MTMR12: variants seen among roughly 807,000 people sequenced by gnomAD.
MTMR12 encodes myotubularin-related protein 12.
MTMR12 carries 33 observed loss-of-function variants against 96.7 expected under a neutral mutation model. That is an observed-to-expected ratio of 0.34 (90% CI 0.26 to 0.46). The LOEUF is 0.46. Among genes scored for constraint, MTMR12 ranks in the 20% least tolerant of loss-of-function variants. The pLI, the probability that MTMR12 is intolerant of heterozygous loss-of-function variation, is 1.00. For missense variants in MTMR12, 721 were observed against 896.1 expected, an observed-to-expected ratio of 0.80 and a Z score of 2.49; for synonymous variants, 298 against 327.2, an observed-to-expected ratio of 0.91 and a Z score of 0.96.
At chr5:32,256,753 G>A (rs1749153899) in intron 7 of MTMR12, among the ~76,000 whole-genome samples, 1 of 152,222 alleles carries the variant, frequency 6.6e-6, no homozygotes, top group Non-Finnish European at 1.5e-5. Flanking sequence ...CATGCTGCAT[G>A]TGTGATGTAG....
intron 1 of MTMR12, among the ~76,000 whole-genome samples, chr5:32,305,957 C>G (rs1450647329): frequency 2.0e-5 from 3 of 151,368 alleles, no homozygotes; most frequent in Non-Finnish European, 2.9e-5. Flanking sequence ...ATGTGCTGAA[C>G]TAATTAATTC....
chr5:32,265,073 C>T (rs1490033264), intron 6 of MTMR12, among the ~76,000 whole-genome samples: 2 of 152,192 alleles, frequency 1.3e-5, no homozygotes, highest in Non-Finnish European at 2.9e-5. Flanking sequence ...CCCTAAAATG[C>T]CATGTCATAA....
intron 8 of MTMR12, 119 bp downstream of exon 8, chr5:32,255,574 G>T: frequency 1.1e-6 from 1 of 914,360 alleles, no homozygotes; most frequent in Non-Finnish European, 1.6e-6. Context: ...GATATTTCTG[G>T]ATTGTTCTTG....
intron 1 of MTMR12, among the ~76,000 whole-genome samples, chr5:32,280,462 C>T (rs1366292663): frequency 6.6e-6 from 1 of 152,144 alleles, no homozygotes; most frequent in African/African-American, 2.4e-5. Flanking sequence ...CTAGAATGAA[C>T]ACTTAATACT....
At position 32,278,392 on chromosome 5, in the gene MTMR12, T is replaced by C. The variant is rs79974323; in HGVS notation, c.82-1650A>G. ...ACAAATAAAATCAGATTTTTTTTTT[T>C]CTTTGGTAGAAGGCCCTGGGTGGGA... On this transcript the variant is annotated intron_variant, in intron 1 of 15. Transcript: ENST00000382142. Among the ~76,000 whole-genome samples, 1,513 of 152,274 alleles carry C rather than the reference T, an allele frequency of 9.9e-3. 23 individuals carry two copies. Among genetic ancestry groups the C allele is most frequent in the African/African-American group, 0.034 (1,429 of 41,512 alleles).
chr5:32,299,343 C>G (rs1751044995), intron 1 of MTMR12, among the ~76,000 whole-genome samples: 1 of 152,176 alleles, frequency 6.6e-6, no homozygotes, highest in Non-Finnish European at 1.5e-5. Flanking sequence ...GACACCAAAG[C>G]CATGCTCTTA....
intron 10 of MTMR12, among the ~76,000 whole-genome samples, chr5:32,247,157 C>T (rs749808495): frequency 5.3e-5 from 8 of 152,100 alleles, no homozygotes; most frequent in Non-Finnish European, 8.8e-5. Flanking sequence ...CAAGATCAGT[C>T]TGGGCAACAT....
At chr5:32,269,033 CT>C (rs749738249) in intron 5 of MTMR12, among the ~76,000 whole-genome samples, 6,532 of 147,066 alleles carry the variant, frequency 0.044, 276 homozygotes, top group African/African-American at 0.11. Flanking sequence ...TTATTTTTAA[CT>C]TTTTTTTTTT....
rs1261289471 is a variant in MTMR12, at chr5:32,227,295, TCTCA to T, written c.*2479_*2482del. Reference sequence around the variant, plus strand: ...ACAAAGTAAATGGTCTCATTTCAGCTCTCACTGTTAAGCATAATCCACATCCCAA... The same window carrying T: ...ACAAAGTAAATGGTCTCATTTCAGCTCTGTTAAGCATAATCCACATCCCAA... On this transcript the variant is annotated 3_prime_UTR_variant, in exon 16 of 16. Coordinates refer to ENST00000382142, the MANE Select transcript of MTMR12 (RefSeq NM_001040446.3). 5.2e-5 allele frequency: 8 copies of T among 152,612 alleles called. No individual in the cohort carries two copies. Among genetic ancestry groups the T allele is most frequent in the Admixed American group, 1.3e-4 (2 of 15,278 alleles). The allele number at this position is 152,612 out of a possible 1,614,324, so 9.5% of individuals were successfully genotyped here. A position where few individuals can be genotyped will look rare whatever the true frequency, so the allele number is the denominator to read the frequency against.
rs200640140 is a variant in MTMR12 at position 32,290,384 on chromosome 5, G to GGA, written c.82-13644_82-13643dup. 1.9e-3 allele frequency among the ~76,000 whole-genome samples: 295 copies of GGA among 152,188 alleles called. 5 individuals are homozygous for GGA. The East Asian group carries it at 0.024, about 12-fold the overall frequency. ...TGAGACATTTTCATGTCAGAGGATG[G>GGA]GAACTAAATCCAACTAAAATTTAGG... On this transcript the variant is annotated intron_variant, in intron 1 of 15. Coordinates refer to ENST00000382142, the MANE Select transcript of MTMR12 (RefSeq NM_001040446.3).
chr5:32,290,230 A>G (rs1750690491), intron 1 of MTMR12, among the ~76,000 whole-genome samples: 1 of 151,896 alleles, frequency 6.6e-6, no homozygotes, highest in Admixed American at 6.6e-5. Flanking sequence ...GGACATATCA[A>G]CTCTCTGGCT....
intron 1 of MTMR12, among the ~76,000 whole-genome samples, chr5:32,294,547 C>G (rs1448038892): frequency 6.6e-6 from 1 of 152,042 alleles, no homozygotes; most frequent in African/African-American, 2.4e-5. Flanking sequence ...GTAATCTGCC[C>G]ACCTTGGCCT....
intron 1 of MTMR12, among the ~76,000 whole-genome samples, chr5:32,296,094 G>A (rs150055714): frequency 0.015 from 2,334 of 152,240 alleles, 30 homozygotes; most frequent in Non-Finnish European, 0.024. Flanking sequence ...AGGAGGTGGA[G>A]ATTGCAGTTA....
chr5:32,305,770 G>A (rs1751332564), intron 1 of MTMR12, among the ~76,000 whole-genome samples: 1 of 152,122 alleles, frequency 6.6e-6, no homozygotes, highest in Admixed American at 6.5e-5. Context: ...GAGTGTAGTG[G>A]TGCATGCCTC....
At chr5:32,268,381 A>G (rs150931537) in intron 6 of MTMR12, among the ~76,000 whole-genome samples, 2,345 of 152,004 alleles carry the variant, frequency 0.015, 32 homozygotes, top group Non-Finnish European at 0.024. Flanking sequence ...GGTGGTGGGC[A>G]CCTGTAATCC....
chr5:32,291,088 TG>T (rs1308953654), intron 1 of MTMR12, among the ~76,000 whole-genome samples: 1 of 152,176 alleles, frequency 6.6e-6, no homozygotes, highest in Non-Finnish European at 1.5e-5. Flanking sequence ...CAAATGCCCA[TG>T]GTCTCCACAC....
chr5:32,227,656 A>T lies in MTMR12; in HGVS notation c.*2122T>A, dbSNP rs531457578. On this transcript the variant is annotated 3_prime_UTR_variant, in exon 16 of 16. Coordinates refer to ENST00000382142, the MANE Select transcript of MTMR12 (RefSeq NM_001040446.3). ...ATAACGTGGTAACAAAAATAGCTCCATAGCATATTTGGGAGGCAATGGGGC... is the reference window on the plus strand; with the variant it reads ...ATAACGTGGTAACAAAAATAGCTCCTTAGCATATTTGGGAGGCAATGGGGC... 6.5e-6 allele frequency: 1 copy of T among 152,686 alleles called. No homozygotes were observed. The allele number at this position is 152,686 out of a possible 1,614,324, so 9.5% of individuals were successfully genotyped here. A position where few individuals can be genotyped will look rare whatever the true frequency, so the allele number is the denominator to read the frequency against.
chr5:32,268,715 G>A lies in MTMR12; in HGVS notation c.569C>T (p.Ala190Val). The change falls in exon 6 of 16, where the codon GCA becomes GTA. Residue 190 changes from alanine (A) to valine (V), a missense_variant. Transcript: ENST00000382142. ...AAGATATTTACCTGTATTGTTTTGT[G>A]CAGCAGTCGCATAGGAAAACAGAAA... ...RLFLFSYATA[A>V]QNNTVTDPKN... is the part of the protein sequence containing the mutation. 6.2e-7 allele frequency: 1 copy of A among 1,613,460 alleles called. No individual in the cohort carries two copies. Among genetic ancestry groups the A allele is most frequent in the Non-Finnish European group, 8.5e-7 (1 of 1,179,418 alleles).
intron 8 of MTMR12, among the ~76,000 whole-genome samples, chr5:32,249,159 A>G (rs185498195): frequency 1.3e-5 from 2 of 152,296 alleles, no homozygotes; most frequent in East Asian, 1.9e-4. Flanking sequence ...CAACAACAAC[A>G]TTATTATTAT....
Sources: gnomAD v4.1 joint callset for allele counts (sites outside exome capture counted in the v4.1 genomes callset) on GRCh38, gnomAD v4.1.1 for gene constraint, MANE v1.5 for transcripts, NCBI Gene and HGNC (gene_info 2026-07-23, HGNC 2026-07-21) for gene names.